The following APBA2 variants were observed in gnomAD, a reference collection of about 807,000 sequenced individuals.
The protein encoded by APBA2 is amyloid beta precursor protein binding family A member 2, also known as amyloid-beta A4 precursor protein-binding family A member 2.
APBA2 carries 30 observed loss-of-function variants against 75.0 expected under a neutral mutation model. The observed-to-expected ratio is 0.40, with a 90% confidence interval of 0.30 to 0.54. The LOEUF is 0.54. Ranked by LOEUF, APBA2 falls within the 20% of genes least tolerant of loss-of-function variation. The pLI, the probability that APBA2 is intolerant of heterozygous loss-of-function variation, is 0.49. For missense variants in APBA2, 801 were observed against 1,016.1 expected, an observed-to-expected ratio of 0.79 and a Z score of 2.88; for synonymous variants, 444 against 409.6, an observed-to-expected ratio of 1.08 and a Z score of -1.01.
In APBA2 at chr15:29,059,380, G is replaced by A. The variant is rs143088103; in HGVS notation, c.951+4545G>A. Reference sequence around the variant, plus strand: ...ACTCGTCTATGCTGCCACTCTGGGAGGTGCTAAAGTAAACTTCTGTAGCGT... The same window carrying A: ...ACTCGTCTATGCTGCCACTCTGGGAAGTGCTAAAGTAAACTTCTGTAGCGT... On this transcript the variant is annotated intron_variant, in intron 4 of 14. Coordinates refer to ENST00000683413, the MANE Select transcript of APBA2 (RefSeq NM_001353788.2). Among the ~76,000 whole-genome samples, 1,297 of 152,212 alleles carry A rather than the reference G, an allele frequency of 8.5e-3. 10 individuals are homozygous for A. Among genetic ancestry groups the A allele is most frequent in the Non-Finnish European group, 0.015 (1,023 of 68,028 alleles).
intron 13 of APBA2, 106 bp downstream of exon 13, chr15:29,108,495 C>A (rs1480093985): frequency 1.3e-6 from 2 of 1,577,546 alleles, no homozygotes; most frequent in Non-Finnish European, 1.7e-6. Context: ...CCTGGTAGGA[C>A]CTGGCCTGTG....
At chr15:29,040,358 A>G (rs1350357919) in intron 3 of APBA2, among the ~76,000 whole-genome samples, 1 of 152,258 alleles carries the variant, frequency 6.6e-6, no homozygotes, top group Non-Finnish European at 1.5e-5. Flanking sequence ...CAGAGGAACC[A>G]GGAAAAGGTG....
intron 1 of APBA2, among the ~76,000 whole-genome samples, chr15:28,908,609 C>T (rs1371004882): frequency 1.3e-5 from 2 of 152,038 alleles, no homozygotes; most frequent in East Asian, 3.9e-4. Flanking sequence ...GCACCAGGCC[C>T]ACTGAGGTTA....
At chr15:28,971,982 G>A (rs1287246179) in intron 2 of APBA2, among the ~76,000 whole-genome samples, 1 of 152,152 alleles carries the variant, frequency 6.6e-6, no homozygotes, top group Non-Finnish European at 1.5e-5. Flanking sequence ...ATAGGCAATT[G>A]CAAATGTGAA....
chr15:28,887,649 C>T (rs1257156897), intron 1 of APBA2, among the ~76,000 whole-genome samples: 3 of 152,160 alleles, frequency 2.0e-5, no homozygotes, highest in Non-Finnish European at 2.9e-5. Context: ...GAGAGGGTCT[C>T]CTGAGCTTAG....
Position 29,098,529 on chromosome 15 carries a change from C to A in APBA2, c.1291C>A (p.Leu431Ile). 1 of 1,614,142 alleles carries A rather than the reference C, an allele frequency of 6.2e-7. No homozygotes were observed. The highest frequency in any genetic ancestry group is 8.5e-7 in the Non-Finnish European group (1 of 1,179,992). ...TGCCCAGACGCTGACGGAAGTGGACCTCTTCATTTCCACCCAGAGGATCAA... is the reference window on the plus strand; with the variant it reads ...TGCCCAGACGCTGACGGAAGTGGACATCTTCATTTCCACCCAGAGGATCAA... ...GDAQTLTEVD[L>I]FISTQRIKVL... Residue 431 changes from leucine (L) to isoleucine (I), a missense_variant, in exon 9 of 15, where the codon CTC becomes ATC. This residue lies in a region of APBA2 where 367 missense variants were observed against 544.5 expected (regional missense o/e 0.67). Transcript: ENST00000683413.
chr15:29,116,555 G>C (rs1426843019), intron 14 of APBA2, among the ~76,000 whole-genome samples: 2 of 151,496 alleles, frequency 1.3e-5, no homozygotes, highest in African/African-American at 4.8e-5. Context: ...ATGAACCCGG[G>C]GGGCAGAGCT....
intron 10 of APBA2, among the ~76,000 whole-genome samples, chr15:29,104,372 C>T (rs550539956): frequency 1.3e-5 from 2 of 152,230 alleles, no homozygotes; most frequent in East Asian, 3.9e-4. Flanking sequence ...CCCCGCCGCG[C>T]TCCCAGGGCT....
intron 4 of APBA2, among the ~76,000 whole-genome samples, chr15:29,055,316 G>A (rs1242654201): frequency 4.6e-5 from 7 of 151,918 alleles, no homozygotes; most frequent in Non-Finnish European, 8.8e-5. Context: ...CACAATGGAC[G>A]GGTCTCTGAA....
intron 13 of APBA2, among the ~76,000 whole-genome samples, chr15:29,113,584 C>G (rs1223641278): frequency 6.6e-6 from 1 of 152,164 alleles, no homozygotes; most frequent in African/African-American, 2.4e-5. Flanking sequence ...TGTCACCAGT[C>G]TCTAGCCTGA....
chr15:28,977,517 GC>G (rs1431423004), intron 2 of APBA2: 1 of 152,142 alleles, frequency 6.6e-6, no homozygotes. Context: ...ACTGGGGTTG[GC>G]TGAGATGGGA....
In APBA2 at chr15:29,003,362, G is replaced by A. The variant is rs146678293; in HGVS notation, c.-41+7556G>A. On this transcript the variant is annotated intron_variant, in intron 3 of 14. Coordinates refer to ENST00000683413, the MANE Select transcript of APBA2 (RefSeq NM_001353788.2). The stretch of plus-strand genomic sequence containing the variant: ...AACATCTGCTGCTACTGGAGATAGC[G>A]CTTCAAAAGCTAATGCAGGTGCTGA... Among the ~76,000 whole-genome samples, 15 of 152,288 alleles carry A rather than the reference G, an allele frequency of 9.8e-5. No homozygotes were observed. The East Asian group carries it at 2.3e-3, about 23-fold the overall frequency.
intron 2 of APBA2, among the ~76,000 whole-genome samples, chr15:28,975,103 TG>T (rs1462068985): frequency 1.3e-5 from 2 of 152,148 alleles, no homozygotes; most frequent in African/African-American, 2.4e-5. Context: ...AAGCTTACTT[TG>T]TATAGTGCTT....
At chr15:29,114,234 C>G (rs2152984377) in intron 14 of APBA2, among the ~76,000 whole-genome samples, 1 of 152,362 alleles carries the variant, frequency 6.6e-6, no homozygotes, top group South Asian at 2.1e-4. Context: ...GCACAGGCTG[C>G]TGGGGGTGCT....
chr15:29,079,757 G>A (rs76308860), intron 6 of APBA2, among the ~76,000 whole-genome samples: 8,309 of 152,204 alleles, frequency 0.055, 327 homozygotes, highest in Non-Finnish European at 0.085. Flanking sequence ...AAATGTTCCT[G>A]GAGTATTCAT....
chr15:29,098,502 G>T lies in APBA2; in HGVS notation c.1264G>T (p.Asp422Tyr). The T allele has an allele frequency of 6.2e-7, 1 of 1,614,022 alleles. No homozygotes were observed. The highest frequency in any genetic ancestry group is 8.5e-7 in the Non-Finnish European group (1 of 1,179,874). The change falls in exon 9 of 15, where the codon GAT (aspartate) becomes TAT (tyrosine). Residue 422 changes from aspartate (D) to tyrosine (Y), a missense_variant. Around this residue, in one of 2 missense-constraint regions of APBA2, gnomAD observed 367 missense variants for 544.5 expected, o/e 0.67. Coordinates refer to ENST00000683413, the MANE Select transcript of APBA2 (RefSeq NM_001353788.2). The stretch of plus-strand genomic sequence containing the variant: ...CTGTCCTTCTTAGAATTCTGAGGGG[G>T]ATGCCCAGACGCTGACGGAAGTGGA... Reference protein sequence around the residue: ...KIKKKANSEGDAQTLTEVDLF... With the variant: ...KIKKKANSEGYAQTLTEVDLF...
chr15:29,087,263 T>A (rs928297522), intron 6 of APBA2, among the ~76,000 whole-genome samples: 8 of 151,468 alleles, frequency 5.3e-5, no homozygotes, highest in African/African-American at 2.0e-4. Context: ...CCATTTTTTT[T>A]TAAAAAAAAT....
chr15:28,951,810 T>C (rs1248747142), intron 2 of APBA2, among the ~76,000 whole-genome samples: 1 of 151,172 alleles, frequency 6.6e-6, no homozygotes, highest in East Asian at 1.9e-4. Flanking sequence ...CTTGATCTCT[T>C]GACCTCATGA....
At chr15:28,936,064 T>C (rs1047696225) in intron 2 of APBA2, among the ~76,000 whole-genome samples, 1 of 152,222 alleles carries the variant, frequency 6.6e-6, no homozygotes, top group African/African-American at 2.4e-5. Flanking sequence ...AAAATTTTTC[T>C]TTCTCCTGAG....
Sources: allele counts gnomAD v4.1 joint callset (sites outside exome capture counted in the v4.1 genomes callset), GRCh38; gene constraint gnomAD v4.1.1; regional missense constraint gnomAD v4.1.1; transcripts MANE v1.5; gene names NCBI Gene and HGNC (gene_info 2026-07-23, HGNC 2026-07-21).